ATP10B: variants seen among roughly 807,000 people sequenced by gnomAD.
ATP10B encodes the protein phospholipid-transporting ATPase VB.
ATP10B carries 122 observed loss-of-function variants against 141.2 expected under a neutral mutation model. The ratio of observed to expected loss-of-function variants is 0.86; its 90% CI spans 0.75 to 1.00. ATP10B has a LOEUF of 1.00. ATP10B is among the 50% of genes least tolerant of loss of function. The probability of loss-of-function intolerance (pLI) is 0.00; values close to 1 mark genes in which losing one functional copy is unlikely to be tolerated. For missense variants in ATP10B, 1,876 were observed against 1,825.3 expected (o/e 1.03, Z -0.51); for synonymous variants, 685 against 692.0 (o/e 0.99, Z 0.16).
chr5:160,574,565 A>G (rs1485802742), intron 24 of ATP10B, among the ~76,000 whole-genome samples: 1 of 152,166 alleles, frequency 6.6e-6, no homozygotes, highest in Admixed American at 6.5e-5. Context: ...CTGTGGTTTA[A>G]ATGTATGTGC....
the ATP10B span, among the ~76,000 whole-genome samples, chr5:160,864,194 A>G: frequency 6.6e-6 from 1 of 152,024 alleles, no homozygotes; most frequent in East Asian, 1.9e-4. Context: ...ATCCTCAACA[A>G]AACACTAGCT....
At chr5:160,877,077 A>G in the ATP10B span, among the ~76,000 whole-genome samples, 1 of 152,066 alleles carries the variant, frequency 6.6e-6, no homozygotes, top group Non-Finnish European at 1.5e-5. Context: ...GACAGAGACA[A>G]CCAAAAAAGA....
chr5:160,891,016 T>C, the ATP10B span, among the ~76,000 whole-genome samples: 1 of 152,146 alleles, frequency 6.6e-6, no homozygotes, highest in Non-Finnish European at 1.5e-5. Flanking sequence ...TGTGTGTGTG[T>C]GTGTATGTAT....
the ATP10B span, among the ~76,000 whole-genome samples, chr5:160,884,350 A>G: frequency 6.6e-6 from 1 of 152,252 alleles, no homozygotes; most frequent in African/African-American, 2.4e-5. Flanking sequence ...TTAATTGATC[A>G]GTATTTTCCA....
chr5:160,738,398 T>C (rs180944764), intron 2 of ATP10B, among the ~76,000 whole-genome samples: 1 of 151,706 alleles, frequency 6.6e-6, no homozygotes, highest in Non-Finnish European at 1.5e-5. Context: ...ACCCAACATA[T>C]TAAAAGGAAA....
chr5:160,650,623 A>G (rs1054517265), intron 7 of ATP10B, among the ~76,000 whole-genome samples: 1 of 152,234 alleles, frequency 6.6e-6, no homozygotes, highest in Non-Finnish European at 1.5e-5. Context: ...ACCTAGACTC[A>G]TTTAGATTAA....
chr5:160,628,759 TGGC>T (rs1758748701), intron 13 of ATP10B, among the ~76,000 whole-genome samples: 1 of 152,180 alleles, frequency 6.6e-6, no homozygotes, highest in Non-Finnish European at 1.5e-5. Context: ...GCTGAAATCT[TGGC>T]TGCGTACAGA....
At chr5:160,904,030 C>T in the ATP10B span, among the ~76,000 whole-genome samples, 2 of 152,158 alleles carry the variant, frequency 1.3e-5, no homozygotes, top group Admixed American at 1.3e-4. Context: ...GTAAAAGCTT[C>T]AACAAGCCCA....
intron 2 of ATP10B, among the ~76,000 whole-genome samples, chr5:160,770,451 T>G (rs1180824700): frequency 6.6e-6 from 1 of 152,182 alleles, no homozygotes; most frequent in East Asian, 1.9e-4. Context: ...TTTTTTCCTT[T>G]TCCTTAGGCT....
chr5:160,772,812 C>T (rs1770005038), intron 2 of ATP10B, among the ~76,000 whole-genome samples: 2 of 152,238 alleles, frequency 1.3e-5, no homozygotes, highest in South Asian at 2.1e-4. Context: ...GGCAAGTCAG[C>T]GATGCTTAAC....
At chr5:160,873,718 T>C in the ATP10B span, among the ~76,000 whole-genome samples, 10 of 152,192 alleles carry the variant, frequency 6.6e-5, no homozygotes, top group African/African-American at 2.2e-4. Context: ...ACTGCCTCAC[T>C]TGGGAAGTGC....
chr5:160,628,217 G>A (rs2127657612), intron 13 of ATP10B, among the ~76,000 whole-genome samples: 1 of 152,370 alleles, frequency 6.6e-6, no homozygotes, highest in South Asian at 2.1e-4. Context: ...AAAACTCAGT[G>A]GTGAAGCAAG....
chr5:160,755,834 AAAAAATATATATATATATATATATAT>A lies in ATP10B; in HGVS notation c.-331+29699_-331+29724del, dbSNP rs1434324466. On this transcript the variant is annotated intron_variant, in intron 2 of 25. Coordinates refer to ENST00000327245, the MANE Select transcript of ATP10B (RefSeq NM_025153.3). ...CGTCTCAAAAAAAAAAAAAAAAAAAAAAAAATATATATATATATATATATATATATATATATATATATATTATAATT... is the reference window on the plus strand; with the variant it reads ...CGTCTCAAAAAAAAAAAAAAAAAAAAATATATATATATATATATTATAATT... Among the ~76,000 whole-genome samples, 31 of 65,982 alleles carry A rather than the reference AAAAAATATATATATATATATATATAT, an allele frequency of 4.7e-4. 1 individual carries two copies. Among genetic ancestry groups the A allele is most frequent in the African/African-American group, 2.7e-3 (30 of 11,180 alleles). The allele number at this position is 65,982 out of a possible 152,430, so 43.3% of individuals were successfully genotyped here.
chr5:160,809,705 A>C (rs1017802729), intron 1 of ATP10B, among the ~76,000 whole-genome samples: 1 of 152,176 alleles, frequency 6.6e-6, no homozygotes, highest in Admixed American at 6.5e-5. Context: ...CTTCAAGATT[A>C]TGTTAATTTT....
At chr5:160,815,241 C>T (rs1441369183) in intron 1 of ATP10B, among the ~76,000 whole-genome samples, 2 of 152,092 alleles carry the variant, frequency 1.3e-5, no homozygotes, top group Admixed American at 6.5e-5. Context: ...TCAGGAAACC[C>T]ATCTCATGTG....
At chr5:160,699,695 A>G (rs546098778) in intron 3 of ATP10B, among the ~76,000 whole-genome samples, 34 of 152,270 alleles carry the variant, frequency 2.2e-4, no homozygotes, top group Middle Eastern at 3.4e-3. Context: ...GAAGGAATAT[A>G]CTTTTAATCA....
intron 2 of ATP10B, among the ~76,000 whole-genome samples, chr5:160,733,735 A>G (rs1187201479): frequency 6.6e-6 from 1 of 151,868 alleles, no homozygotes; most frequent in East Asian, 1.9e-4. Context: ...TAAGGGCCAG[A>G]AATGATTAGA....
At chr5:160,586,113 T>G (rs1249719502) in intron 24 of ATP10B, among the ~76,000 whole-genome samples, 1 of 152,202 alleles carries the variant, frequency 6.6e-6, no homozygotes, top group Non-Finnish European at 1.5e-5. Context: ...TTTGTCCTAA[T>G]GCTCTCCCTC....
At position 160,622,465 on chromosome 5, in the gene ATP10B, C is replaced by A. The variant is rs1400399776; in HGVS notation, c.1741G>T (p.Ala581Ser). The A allele has an allele frequency of 6.2e-7, 1 of 1,614,114 alleles. No individual in the cohort carries two copies. The highest frequency in any genetic ancestry group is 8.5e-7 in the Non-Finnish European group (1 of 1,180,012). The change falls in exon 14 of 26, where the codon GCT (alanine) becomes TCT (serine). Residue 581 changes from alanine to serine, a missense_variant. Ala to Ser is a moderately conservative substitution (Grantham distance 99, BLOSUM62 1). Transcript: ENST00000327245. The part of the protein sequence containing the change: ...KASLSTTSSI[A>S]DFFLALTICN... The stretch of plus-strand genomic sequence containing the variant: ...ATGGTTAAGGCAAGGAAGAAATCAG[C>A]AATGGAGGAGGTGGTGGAGAGGGAA...
Sources: allele counts gnomAD v4.1 joint callset (sites outside exome capture counted in the v4.1 genomes callset), GRCh38; gene constraint gnomAD v4.1.1; transcripts MANE v1.5; gene names NCBI Gene and HGNC (gene_info 2026-07-23, HGNC 2026-07-21).